Variants in CDH18 observed in about 807,000 individuals in gnomAD.
CDH18 encodes the protein cadherin-18.
Under a neutral mutation model 67.9 loss-of-function variants are expected in CDH18, and 31 were observed. The observed-to-expected ratio is 0.46, with a 90% CI of 0.34 to 0.62. The LOEUF is 0.62. Ranked by LOEUF, CDH18 falls within the 20% of genes least tolerant of loss-of-function variation. CDH18 has a pLI of 0.01. For synonymous variants in CDH18, 362 were observed against 347.2 expected (o/e 1.04, Z -0.48); for missense variants, 890 against 975.5 (o/e 0.91, Z 1.17).
chr5:20,279,906 A>G (rs1746114681), intron 1 of CDH18, among the ~76,000 whole-genome samples: 1 of 151,866 alleles, frequency 6.6e-6, no homozygotes, highest in African/African-American at 2.4e-5. Flanking sequence ...TAATCCAACC[A>G]CTTCAGAATA....
At chr5:20,149,041 T>C (rs941624466) in intron 2 of CDH18, among the ~76,000 whole-genome samples, 4 of 152,162 alleles carry the variant, frequency 2.6e-5, no homozygotes, top group Non-Finnish European at 5.9e-5. Flanking sequence ...CTGCATTAAA[T>C]TGATGCTAAG....
At chr5:19,692,511 G>T (rs1198236830) in intron 5 of CDH18, among the ~76,000 whole-genome samples, 7 of 151,860 alleles carry the variant, frequency 4.6e-5, no homozygotes, top group Non-Finnish European at 1.0e-4. Context: ...GTCATAATAT[G>T]TAAGAAACTC....
At chr5:20,460,402 A>AATAC (rs1179687308) in intron 1 of CDH18, among the ~76,000 whole-genome samples, 4 of 30,664 alleles carry the variant, frequency 1.3e-4, no homozygotes, top group Non-Finnish European at 1.8e-4. Flanking sequence ...TAAATACATA[A>AATAC]ATAAATAAAT....
intron 1 of CDH18, among the ~76,000 whole-genome samples, chr5:20,374,677 A>G (rs1180162424): frequency 2.0e-5 from 3 of 152,218 alleles, no homozygotes; most frequent in Non-Finnish European, 4.4e-5. Flanking sequence ...AGTTGAACAA[A>G]TAAAACTTCA....
At chr5:20,225,502 C>T (rs112584762) in intron 2 of CDH18, among the ~76,000 whole-genome samples, 27 of 152,184 alleles carry the variant, frequency 1.8e-4, no homozygotes, top group Non-Finnish European at 3.2e-4. Context: ...CGTATACAGA[C>T]ACACATTGAA....
intron 1 of CDH18, among the ~76,000 whole-genome samples, chr5:20,545,692 C>T (rs761536274): frequency 1.3e-5 from 2 of 152,176 alleles, no homozygotes; most frequent in African/African-American, 4.8e-5. Flanking sequence ...ACCATTTTTC[C>T]CTCCTAGACC....
At chr5:20,384,896 G>A (rs1339920653) in intron 1 of CDH18, among the ~76,000 whole-genome samples, 1 of 152,130 alleles carries the variant, frequency 6.6e-6, no homozygotes, top group East Asian at 1.9e-4. Context: ...GAGTGCAGTG[G>A]TGTGATCGCG....
At chr5:20,131,292 A>G (rs1041821457) in intron 2 of CDH18, among the ~76,000 whole-genome samples, 8 of 152,122 alleles carry the variant, frequency 5.3e-5, no homozygotes, top group African/African-American at 1.7e-4. Flanking sequence ...AAAATATTGG[A>G]TATGCACAAT....
chr5:20,296,993 GAGAT>G (rs1747590881), intron 1 of CDH18, among the ~76,000 whole-genome samples: 1 of 151,666 alleles, frequency 6.6e-6, no homozygotes, highest in African/African-American at 2.4e-5. Context: ...TATTTATTCT[GAGAT>G]AGATATACTT....
intron 1 of CDH18, among the ~76,000 whole-genome samples, chr5:20,560,370 T>C (rs1052535688): frequency 6.6e-6 from 1 of 151,512 alleles, no homozygotes; most frequent in Non-Finnish European, 1.5e-5. Context: ...TCAAGCCAAA[T>C]AAAATTGTGA....
At chr5:20,390,754 T>A (rs1225234339) in intron 1 of CDH18, among the ~76,000 whole-genome samples, 1 of 152,116 alleles carries the variant, frequency 6.6e-6, no homozygotes, top group Admixed American at 6.6e-5. Flanking sequence ...CCATCAATGA[T>A]AGACTGGATT....
At chr5:19,829,756 TGCAGGCA>T (rs1780812342) in intron 3 of CDH18, among the ~76,000 whole-genome samples, 2 of 151,672 alleles carry the variant, frequency 1.3e-5, no homozygotes, top group African/African-American at 4.8e-5. Context: ...AATAGCTTGA[TGCAGGCA>T]TCATGTCACT....
chr5:19,632,208 A>G (rs1752516214), intron 5 of CDH18, among the ~76,000 whole-genome samples: 4 of 152,222 alleles, frequency 2.6e-5, no homozygotes, highest in African/African-American at 9.6e-5. Flanking sequence ...TATTTTCTCC[A>G]AAGCAGACAT....
In CDH18 at chr5:20,261,519, T is replaced by C. The variant is rs563834448; in HGVS notation, c.-579-6014A>G. On this transcript the variant is annotated intron_variant, in intron 1 of 14. Coordinates refer to the CDH18 transcript ENST00000507958. ...ACTTTGGGAGGCTGAGGCGGGCAGA[T>C]CACGAGGTCAGGAGATCAGTACCAT... Among the ~76,000 whole-genome samples, 32 of 152,184 alleles carry C rather than the reference T, an allele frequency of 2.1e-4. 1 individual carries two copies. The highest frequency in any genetic ancestry group is 7.7e-4 in the African/African-American group (32 of 41,506).
chr5:20,065,184 A>C (rs1456357694), intron 2 of CDH18, among the ~76,000 whole-genome samples: 1 of 151,938 alleles, frequency 6.6e-6, no homozygotes. Flanking sequence ...TTAAGTTTAA[A>C]AAAATGGCTC....
intron 2 of CDH18, among the ~76,000 whole-genome samples, chr5:20,130,992 A>G (rs1403385609): frequency 6.6e-6 from 1 of 152,084 alleles, no homozygotes; most frequent in Non-Finnish European, 1.5e-5. Flanking sequence ...GTGTCCTTCC[A>G]CTGTTTTACT....
intron 2 of CDH18, among the ~76,000 whole-genome samples, chr5:20,017,309 A>C (rs1341761641): frequency 6.6e-6 from 1 of 152,090 alleles, no homozygotes; most frequent in African/African-American, 2.4e-5. Flanking sequence ...TCCCTTCCAA[A>C]TTCTATTTAT....
At chr5:19,770,979 G>C (rs1244468196) in intron 3 of CDH18, among the ~76,000 whole-genome samples, 1 of 152,178 alleles carries the variant, frequency 6.6e-6, no homozygotes, top group Non-Finnish European at 1.5e-5. Context: ...AATTAGTCCA[G>C]TTAAAAATGG....
At chr5:19,560,625 C>T (rs1739276657) in intron 8 of CDH18, among the ~76,000 whole-genome samples, 1 of 151,920 alleles carries the variant, frequency 6.6e-6, no homozygotes. Flanking sequence ...GACCAAGAAT[C>T]AAAAAGCAAA....
Sources: allele counts gnomAD v4.1 joint callset (sites outside exome capture counted in the v4.1 genomes callset), GRCh38; gene constraint gnomAD v4.1.1; transcripts MANE v1.5; gene names NCBI Gene and HGNC (gene_info 2026-07-23, HGNC 2026-07-21).